NLGN4X: variants seen among roughly 807,000 people sequenced by gnomAD.
The protein encoded by NLGN4X is neuroligin-4, X-linked.
A neutral mutation model predicts 40.3 loss-of-function variants in NLGN4X; 3 were observed. The observed-to-expected ratio is 0.07, with a 90% CI of 0.03 to 0.19. The LOEUF (loss-of-function observed/expected upper bound fraction) is 0.19. NLGN4X is among the 10% of genes least tolerant of loss of function. The pLI, the probability that NLGN4X is intolerant of heterozygous loss-of-function variation, is 1.00. For missense variants in NLGN4X, 382 were observed against 708.3 expected (o/e 0.54, Z 5.23); for synonymous variants, 270 against 306.8 (o/e 0.88, Z 1.25).
rs1569159120 is a variant in NLGN4X at position 5,968,438 on chromosome X, C to CTCTCTCT, written c.626-59200_626-59199insAGAGAGA. 5.8e-3 allele frequency among the ~76,000 whole-genome samples: 87 copies of CTCTCTCT among 15,084 alleles called. 4 individuals are homozygous for CTCTCTCT. Among genetic ancestry groups the CTCTCTCT allele is most frequent in the African/African-American group, 0.025 (76 of 3,037 alleles). The allele number at this position is 15,084 out of a possible 115,157, so 13.1% of individuals were successfully genotyped here. A position where few individuals can be genotyped will look rare whatever the true frequency, so the allele number is the denominator to read the frequency against. ...ATGGCTGTCTTTGATTGTAAGTACC[C>CTCTCTCT]CTCTCTCTCTCTCTCTCTCTGTGTG... On this transcript the variant is annotated intron_variant, in intron 3 of 5. Transcript: ENST00000381095.
Position 5,896,622 on chromosome X carries a change from T to C in NLGN4X, c.1602-2956A>G, listed in dbSNP as rs895884486. Among the ~76,000 whole-genome samples the C allele has an allele frequency of 4.5e-5, 5 of 112,277 alleles. No homozygotes were observed. In the South Asian group the frequency reaches 1.5e-3, roughly 34 times the overall value. On this transcript the variant is annotated intron_variant, in intron 5 of 5. Coordinates refer to ENST00000381095, the MANE Select transcript of NLGN4X (RefSeq NM_181332.3). ...GTCCTGTTTTATTTGAGATGTCATC[T>C]TGGCAGCAGAGACTCAAGTGCCTTT...
At chrX:5,957,031 ACAGT>A (rs772160449) in intron 3 of NLGN4X, among the ~76,000 whole-genome samples, 9 of 110,690 alleles carry the variant, frequency 8.1e-5, no homozygotes, top group Non-Finnish European at 1.7e-4. Context: ...AGAGAGAGAG[ACAGT>A]CAGAGACAGA....
chrX:6,027,970 T>G (rs1379967079), intron 3 of NLGN4X, among the ~76,000 whole-genome samples: 1 of 109,989 alleles, frequency 9.1e-6, no homozygotes, highest in Non-Finnish European at 1.9e-5. Flanking sequence ...GCGCCTGCCA[T>G]CAGGCCCAGT....
chrX:5,994,586 T>C (rs1178448114), intron 3 of NLGN4X, among the ~76,000 whole-genome samples: 1 of 112,360 alleles, frequency 8.9e-6, no homozygotes, highest in East Asian at 2.8e-4. Context: ...CCACTAGAGC[T>C]AGTAGCATGC....
intron 2 of NLGN4X, among the ~76,000 whole-genome samples, chrX:6,141,241 T>C (rs967384005): frequency 1.8e-5 from 2 of 111,290 alleles, no homozygotes; most frequent in African/African-American, 6.5e-5. Flanking sequence ...AACAGCCTGG[T>C]TTTAGGAGAA....
chrX:5,924,174 C>T (rs923860906), intron 3 of NLGN4X, among the ~76,000 whole-genome samples: 1 of 111,293 alleles, frequency 9.0e-6, no homozygotes, highest in Non-Finnish European at 1.9e-5. Flanking sequence ...TTCTGGTCAG[C>T]GAAGATGTAT....
intron 2 of NLGN4X, among the ~76,000 whole-genome samples, chrX:6,093,074 A>T (rs1243278206): frequency 9.0e-6 from 1 of 111,122 alleles, no homozygotes; most frequent in East Asian, 2.8e-4. Context: ...ATCAATATTG[A>T]CATGAAACTG....
chrX:6,108,211 C>T (rs895741616), intron 2 of NLGN4X, among the ~76,000 whole-genome samples: 2 of 112,122 alleles, frequency 1.8e-5, no homozygotes, highest in East Asian at 5.6e-4. Context: ...GGTGTGTAGC[C>T]AAATGCCCAA....
chrX:6,038,234 G>A (rs12015098), intron 2 of NLGN4X, among the ~76,000 whole-genome samples: 46,862 of 110,378 alleles, frequency 0.42, 7,434 homozygotes, highest in Admixed American at 0.5. Flanking sequence ...GAAGATCTGG[G>A]GCCAGGAATA....
At chrX:6,171,851 G>T (rs190578941) in intron 1 of NLGN4X, among the ~76,000 whole-genome samples, 19 of 111,471 alleles carry the variant, frequency 1.7e-4, no homozygotes, top group African/African-American at 5.2e-4. Context: ...CTGGTGGGAG[G>T]TGATGGCATC....
At chrX:6,039,156 A>C (rs1027559140) in intron 2 of NLGN4X, among the ~76,000 whole-genome samples, 2 of 111,287 alleles carry the variant, frequency 1.8e-5, no homozygotes, top group Non-Finnish European at 3.8e-5. Context: ...CATTTTTTCA[A>C]AAGAAAAAAT....
chrX:6,078,401 C>T (rs1450701467), intron 2 of NLGN4X, among the ~76,000 whole-genome samples: 2 of 111,359 alleles, frequency 1.8e-5, no homozygotes, highest in Admixed American at 1.9e-4. Flanking sequence ...ATATGTGTTG[C>T]TACTGCTATG....
chrX:6,133,210 AACCATCATCATC>A lies in NLGN4X; in HGVS notation c.472+17773_472+17784del, dbSNP rs1314660796. Among the ~76,000 whole-genome samples the A allele has an allele frequency of 1.6e-4, 18 of 110,106 alleles. No homozygotes were observed. In the Admixed American group the frequency reaches 1.8e-3, roughly 11 times the overall value. On this transcript the variant is annotated intron_variant, in intron 2 of 5. Transcript: ENST00000381095. ...TCACCATCCTCATCATCACCATCAT[AACCATCATCATC>A]ACCATCATCATCATCATCTAGTAGT...
chrX:6,128,443 A>G (rs927463072), intron 2 of NLGN4X, among the ~76,000 whole-genome samples: 2 of 112,317 alleles, frequency 1.8e-5, no homozygotes, highest in Non-Finnish European at 3.8e-5. Flanking sequence ...ATATTCCTCC[A>G]TATCACTAAA....
intron 3 of NLGN4X, among the ~76,000 whole-genome samples, chrX:5,986,878 C>T (rs1186943743): frequency 9.0e-6 from 1 of 111,719 alleles, no homozygotes; most frequent in Non-Finnish European, 1.9e-5. Context: ...GAAGATTGCA[C>T]ACTCCTGGTG....
intron 2 of NLGN4X, among the ~76,000 whole-genome samples, chrX:6,149,501 C>G (rs937139448): frequency 1.8e-5 from 2 of 111,343 alleles, no homozygotes; most frequent in African/African-American, 6.5e-5. Context: ...AAATGAGAAC[C>G]CTAATTGCTT....
At chrX:5,959,350 C>T (rs1468754740) in intron 3 of NLGN4X, among the ~76,000 whole-genome samples, 1 of 112,095 alleles carries the variant, frequency 8.9e-6, no homozygotes, top group Non-Finnish European at 1.9e-5. Flanking sequence ...CCATTGTGAA[C>T]ATTTTCTCTA....
chrX:6,052,751 G>C (rs2037524630), intron 2 of NLGN4X, among the ~76,000 whole-genome samples: 1 of 112,403 alleles, frequency 8.9e-6, no homozygotes, highest in Admixed American at 9.4e-5. Flanking sequence ...TGTATCCCAT[G>C]ATACCGCAAC....
Position 6,026,335 on chromosome X carries a change from C to G in NLGN4X, c.625+2945G>C, listed in dbSNP as rs2036694794. On this transcript the variant is annotated intron_variant, in intron 3 of 5. Transcript: ENST00000381095. ...GACTTTTACTGGAAGAAAAAGAACT[C>G]AAAGAATATTTCAACTTTTTGCCTA... Among the ~76,000 whole-genome samples the G allele has an allele frequency of 3.6e-5, 4 of 111,587 alleles. No homozygotes were observed. The Admixed American group carries it at 3.8e-4, about 11-fold the overall frequency.
Sources: allele counts gnomAD v4.1 joint callset (sites outside exome capture counted in the v4.1 genomes callset), GRCh38; gene constraint gnomAD v4.1.1; transcripts MANE v1.5; gene names NCBI Gene and HGNC (gene_info 2026-07-23, HGNC 2026-07-21).